The following CNTNAP2 variants were observed in gnomAD, a reference collection of about 807,000 sequenced individuals.
The protein encoded by CNTNAP2 is contactin-associated protein-like 2.
CNTNAP2 carries 98 observed loss-of-function variants against 155.2 expected under a neutral mutation model. That is an observed-to-expected ratio of 0.63 (90% confidence interval 0.54 to 0.75). The LOEUF is 0.75. CNTNAP2 is among the 30% of genes least tolerant of loss of function. CNTNAP2 has a pLI of 0.00. For synonymous variants in CNTNAP2, 651 were observed against 631.2 expected, an observed-to-expected ratio of 1.03 and a Z score of -0.47; for missense variants, 1,727 against 1,688.1, an observed-to-expected ratio of 1.02 and a Z score of -0.40.
chr7:148,106,524 A>G (rs1804226073), intron 15 of CNTNAP2, among the ~76,000 whole-genome samples: 1 of 142,172 alleles, frequency 7.0e-6, no homozygotes, highest in African/African-American at 2.6e-5. Context: ...ATATATACAT[A>G]TTTTTTTTTC....
chr7:148,249,157 T>A (rs1004683898), intron 20 of CNTNAP2, among the ~76,000 whole-genome samples: 1 of 152,204 alleles, frequency 6.6e-6, no homozygotes, highest in Non-Finnish European at 1.5e-5. Context: ...ATCCTCATTT[T>A]TTCTTATTCC....
At chr7:146,778,998 A>C (rs1802437242) in intron 2 of CNTNAP2, among the ~76,000 whole-genome samples, 1 of 152,172 alleles carries the variant, frequency 6.6e-6, no homozygotes. Context: ...GGGAAACGAT[A>C]ACAGGCTATG....
At chr7:147,517,524 A>G (rs1799149077) in intron 11 of CNTNAP2, among the ~76,000 whole-genome samples, 1 of 152,240 alleles carries the variant, frequency 6.6e-6, no homozygotes, top group South Asian at 2.1e-4. Context: ...GATTTCAGAA[A>G]AGCTATTTCT....
chr7:146,769,433 C>A (rs539557420), intron 1 of CNTNAP2, among the ~76,000 whole-genome samples: 31 of 152,112 alleles, frequency 2.0e-4, no homozygotes, highest in Admixed American at 2.6e-4. Flanking sequence ...TGAGTGATAA[C>A]CATTATTACA....
intron 15 of CNTNAP2, among the ~76,000 whole-genome samples, chr7:148,051,868 A>G (rs1210232292): frequency 6.6e-6 from 1 of 152,228 alleles, no homozygotes; most frequent in Non-Finnish European, 1.5e-5. Context: ...GGCTGGGCAC[A>G]GTGGCTCACG....
chr7:147,901,947 CT>C (rs1799876120), intron 13 of CNTNAP2, among the ~76,000 whole-genome samples: 1 of 152,204 alleles, frequency 6.6e-6, no homozygotes, highest in Non-Finnish European at 1.5e-5. Context: ...CTACTTAACT[CT>C]TCTAGACCTA....
At chr7:146,497,096 G>A (rs1279072061) in intron 1 of CNTNAP2, among the ~76,000 whole-genome samples, 1 of 152,184 alleles carries the variant, frequency 6.6e-6, no homozygotes, top group Non-Finnish European at 1.5e-5. Flanking sequence ...GAGGCTCAGA[G>A]TGAACAACGT....
At chr7:147,592,880 C>G (rs74807502) in intron 12 of CNTNAP2, among the ~76,000 whole-genome samples, 2 of 152,276 alleles carry the variant, frequency 1.3e-5, no homozygotes, top group East Asian at 1.9e-4. Flanking sequence ...ATCTATTGCT[C>G]TAGAGAAACT....
chr7:146,524,623 C>A (rs1310000700), intron 1 of CNTNAP2, among the ~76,000 whole-genome samples: 1 of 152,058 alleles, frequency 6.6e-6, no homozygotes. Flanking sequence ...CTAGGATCAC[C>A]TTGTTTTCTC....
In CNTNAP2 at chr7:148,012,400, G is replaced by C. The variant is rs575059198; in HGVS notation, c.2383+34411G>C. Among the ~76,000 whole-genome samples the C allele has an allele frequency of 6.6e-5, 10 of 152,300 alleles. No homozygotes were observed. In the East Asian group the frequency reaches 1.9e-3, roughly 29 times the overall value. On this transcript the variant is annotated intron_variant, in intron 15 of 23. Transcript: ENST00000361727. ...GTAGAATGGTGCTGGCCAGGGCCTGGGGAGATGGAGAAATGGAACATTGCT... is the reference window on the plus strand; with the variant it reads ...GTAGAATGGTGCTGGCCAGGGCCTGCGGAGATGGAGAAATGGAACATTGCT...
intron 11 of CNTNAP2, among the ~76,000 whole-genome samples, chr7:147,512,100 G>T (rs1255639070): frequency 1.2e-4 from 18 of 152,142 alleles, no homozygotes; most frequent in Admixed American, 1.2e-3. Context: ...GGAGTTGGGT[G>T]AAAACATATA....
At chr7:147,622,605 A>AC (rs1794884463) in intron 12 of CNTNAP2, among the ~76,000 whole-genome samples, 1 of 152,178 alleles carries the variant, frequency 6.6e-6, no homozygotes, top group South Asian at 2.1e-4. Context: ...AACACAACAT[A>AC]CCAAAAAATC....
At chr7:146,183,804 C>T (rs996630344) in intron 1 of CNTNAP2, among the ~76,000 whole-genome samples, 3 of 152,030 alleles carry the variant, frequency 2.0e-5, no homozygotes, top group African/African-American at 7.2e-5. Flanking sequence ...ATACTCCTCC[C>T]ACCTATAATT....
intron 14 of CNTNAP2, among the ~76,000 whole-genome samples, chr7:147,945,868 C>CTTTTTTTTTTTTTTTTTTTTTT (rs34305612): frequency 8.1e-6 from 1 of 123,362 alleles, no homozygotes; most frequent in Non-Finnish European, 1.7e-5. Flanking sequence ...TTTTCTTTTT[C>CTTTTTTTTTTTTTTTTTTTTTT]TTTTTTTTTT....
chr7:148,273,656 A>T (rs1281746809), intron 21 of CNTNAP2, among the ~76,000 whole-genome samples: 1 of 152,190 alleles, frequency 6.6e-6, no homozygotes, highest in Non-Finnish European at 1.5e-5. Context: ...ATACTAATGC[A>T]GTGTCGTTGT....
chr7:146,485,821 C>A (rs1797046478), intron 1 of CNTNAP2, among the ~76,000 whole-genome samples: 1 of 151,858 alleles, frequency 6.6e-6, no homozygotes, highest in African/African-American at 2.4e-5. Context: ...ACACAAATTA[C>A]CTATTAACAA....
intron 1 of CNTNAP2, among the ~76,000 whole-genome samples, chr7:146,662,202 A>G (rs932579435): frequency 2.0e-5 from 3 of 151,684 alleles, no homozygotes; most frequent in Non-Finnish European, 4.4e-5. Context: ...CAATGGCACG[A>G]CCTGGGCTCA....
chr7:148,349,989 A>C (rs1798399602), intron 21 of CNTNAP2, among the ~76,000 whole-genome samples: 1 of 152,152 alleles, frequency 6.6e-6, no homozygotes. Flanking sequence ...AGTTGATGGG[A>C]GGTCAGTGGA....
At chr7:147,857,857 C>T (rs998959870) in intron 13 of CNTNAP2, among the ~76,000 whole-genome samples, 2 of 152,158 alleles carry the variant, frequency 1.3e-5, no homozygotes, top group Non-Finnish European at 2.9e-5. Flanking sequence ...TGATTTGCCT[C>T]GGCTGCAAGT....
Sources: allele counts gnomAD v4.1 joint callset (sites outside exome capture counted in the v4.1 genomes callset), GRCh38; gene constraint gnomAD v4.1.1; transcripts MANE v1.5; gene names NCBI Gene and HGNC (gene_info 2026-07-23, HGNC 2026-07-21).